TMEM240: variants seen among roughly 807,000 people sequenced by gnomAD.
TMEM240 encodes the protein transmembrane protein 240, also known as transmembrane protein C1orf70.
TMEM240 carries 3 observed loss-of-function variants against 19.5 expected under a neutral mutation model. The observed-to-expected ratio is 0.15, with a 90% confidence interval of 0.07 to 0.40. The LOEUF (loss-of-function observed/expected upper bound fraction) is 0.40, where lower values mean the gene tolerates loss of function less well. TMEM240 is among the 10% of genes least tolerant of loss of function. The pLI, the probability that TMEM240 is intolerant of heterozygous loss-of-function variation, is 1.00. For missense variants in TMEM240, 210 were observed against 253.5 expected (o/e 0.83, Z 1.17); for synonymous variants, 123 against 109.3 (o/e 1.13, Z -0.78).
At chr1:1,539,853 G>A (rs1032373741) in intron 1 of TMEM240, 63 bp from the exon 2 acceptor site, 1 of 1,435,394 alleles carries the variant, frequency 7.0e-7, no homozygotes, top group Non-Finnish European at 9.5e-7. Flanking sequence ...GCTGGGGGTG[G>A]GGAGCGCAGG....
In TMEM240 at chr1:1,536,174, C is replaced by T. The variant is rs1642217521; in HGVS notation, c.165-377G>A. Among the ~76,000 whole-genome samples the T allele has an allele frequency of 1.3e-5, 2 of 152,088 alleles. No individual in the cohort carries two copies. Among genetic ancestry groups the T allele is most frequent in the African/African-American group, 2.4e-5 (1 of 41,398 alleles). ...GGGCTCAGGACGGCGGTCCCCACGG[C>T]CAGGGTCACAGCTCACCCGCCCGCC... On this transcript the variant is annotated intron_variant, in intron 2 of 3. Transcript: ENST00000378733. This position sits in a 1 kb window ranked among gnomAD's most constrained non-coding sequence, Gnocchi z 5.4.
Position 1,535,922 on chromosome 1 carries a change from T to TG in TMEM240, c.165-126_165-125insC. 3.6e-6 allele frequency: 2 copies of TG among 552,596 alleles called. No individual in the cohort carries two copies. Among genetic ancestry groups the TG allele is most frequent in the African/African-American group, 1.9e-5 (1 of 52,462 alleles). 34.2% of individuals were successfully genotyped at this position (552,596 alleles called of 1,614,324 possible). The stretch of plus-strand genomic sequence containing the variant: ...GCCCTGGGGGTTCTCTGAAGCAGCC[T>TG]CTTGGGCGGGCGGGTCGGGAAGGGG... On this transcript the variant is annotated intron_variant, in intron 2 of 3. Coordinates refer to ENST00000378733, the MANE Select transcript of TMEM240 (RefSeq NM_001114748.2). This position sits in a 1 kb window ranked among gnomAD's most constrained non-coding sequence, Gnocchi z 8.2.
chr1:1,535,849 T>G lies in TMEM240; in HGVS notation c.165-52A>C. On this transcript the variant is annotated intron_variant, in intron 2 of 3. Transcript: ENST00000378733. The surrounding 1 kb of genome is among the most constrained non-coding windows in gnomAD (Gnocchi z 8.2). ...CTCTCCCGCCACCCCCGGCCTGGCC[T>G]TCCCCCGGGGCGCCTACCCCGTGGT... 5 of 1,491,862 alleles carry G rather than the reference T, an allele frequency of 3.4e-6. No homozygotes were observed. Among genetic ancestry groups the G allele is most frequent in the Non-Finnish European group, 4.5e-6 (5 of 1,099,296 alleles). The allele number at this position is 1,491,862 out of a possible 1,614,324, so 92.4% of individuals were successfully genotyped here.
In TMEM240 at chr1:1,540,368, G is replaced by C; in HGVS notation, c.-22C>G. 8.6e-7 allele frequency: 1 copy of C among 1,164,832 alleles called. No individual in the cohort carries two copies. The highest frequency in any genetic ancestry group is 4.1e-5 in the East Asian group (1 of 24,558). The allele number at this position is 1,164,832 out of a possible 1,614,324, so 72.2% of individuals were successfully genotyped here. On this transcript the variant is annotated 5_prime_UTR_variant, in exon 1 of 4. Transcript: ENST00000378733. ...ACATCGGGCGGGGCCGGGCCGGGCC[G>C]GAGCGCCGCCCCCCGGCCCCGGCGC...
At position 1,536,057 on chromosome 1, in the gene TMEM240, C is replaced by T. The variant is rs957949691; in HGVS notation, c.165-260G>A. ...CCGGGCAGACAGCGGGACCAGCTGC[C>T]GGCGAGGGTGTCGGCCCTCACTCAG... is the stretch of plus-strand genomic sequence containing the variant. On this transcript the variant is annotated intron_variant, in intron 2 of 3. Coordinates refer to ENST00000378733, the MANE Select transcript of TMEM240 (RefSeq NM_001114748.2). This position sits in a 1 kb window ranked among gnomAD's most constrained non-coding sequence, Gnocchi z 5.4. Among the ~76,000 whole-genome samples the T allele has an allele frequency of 5.3e-5, 8 of 152,194 alleles. No homozygotes were observed. In the East Asian group the frequency reaches 7.7e-4, roughly 15 times the overall value.
intron 2 of TMEM240, 45 bp downstream of exon 2, chr1:1,539,639 C>T: frequency 6.0e-6 from 9 of 1,511,410 alleles, no homozygotes; most frequent in Non-Finnish European, 8.1e-6. Flanking sequence ...CCCCGCCACA[C>T]ATGTGCGCTC....
At chr1:1,538,425 G>A (rs545051056) in intron 2 of TMEM240, among the ~76,000 whole-genome samples, 4 of 152,218 alleles carry the variant, frequency 2.6e-5, no homozygotes, top group African/African-American at 7.2e-5. Flanking sequence ...TGCCTGCCCC[G>A]CGGAGCCCTC....
intron 2 of TMEM240, among the ~76,000 whole-genome samples, chr1:1,537,586 G>T (rs759979452): frequency 1.3e-5 from 2 of 152,140 alleles, no homozygotes; most frequent in African/African-American, 4.8e-5. Flanking sequence ...AGTGAAAGCA[G>T]GAGATAGGCC....
chr1:1,539,676 G>A lies in TMEM240; in HGVS notation c.164+8C>T, dbSNP rs566463909. On this transcript the variant is annotated splice_region_variant and intron_variant, in intron 2 of 3. Coordinates refer to ENST00000378733, the MANE Select transcript of TMEM240 (RefSeq NM_001114748.2). ...CGCGTGTCGAGCCGGCGCCGGTTGT[G>A]GACTCACCGGCCACAGTTGCAGTGG... is the stretch of plus-strand genomic sequence containing the variant. The A allele has an allele frequency of 1.6e-5, 25 of 1,546,128 alleles. No individual in the cohort carries two copies. The East Asian group carries it at 4.4e-4, about 27-fold the overall frequency.
At position 1,540,587 on chromosome 1, in the gene TMEM240, C is replaced by T. The variant is rs544330157; in HGVS notation, c.-241G>A. On this transcript the variant is annotated 5_prime_UTR_variant, in exon 1 of 4. Transcript: ENST00000378733. ...GGCCCGCCGCGCTCCGCTCCGCCCT[C>T]GGGTCCTCCCTGCGATGCGCTCGGC... 6.8e-5 allele frequency: 11 copies of T among 161,948 alleles called. No homozygotes were observed. In the South Asian group the frequency reaches 2.2e-3, roughly 33 times the overall value. 10.0% of individuals were successfully genotyped at this position (161,948 alleles called of 1,614,324 possible).
At chr1:1,539,946 G>A (rs1315147737) in intron 1 of TMEM240, among the ~76,000 whole-genome samples, 156 bp from the exon 2 acceptor site, 4 of 125,872 alleles carry the variant, frequency 3.2e-5, no homozygotes, top group African/African-American at 1.2e-4. Context: ...GGAGCGCAGC[G>A]GGTATGGGGA....
intron 1 of TMEM240, 81 bp from the exon 2 acceptor site, chr1:1,539,871 CG>C: frequency 2.1e-6 from 1 of 477,746 alleles, no homozygotes; most frequent in Non-Finnish European, 3.2e-6. Context: ...AGGCCGGGGT[CG>C]GGGCAGCGCA....
Position 1,540,381 on chromosome 1 carries a change from C to T in TMEM240, c.-35G>A, listed in dbSNP as rs1044272744. On this transcript the variant is annotated 5_prime_UTR_variant, in exon 1 of 4. Transcript: ENST00000378733. ...CCGGGCCGGGCCGGAGCGCCGCCCC[C>T]CGGCCCCGGCGCCCCCCCGGCCCCG... 1 of 1,070,190 alleles carries T rather than the reference C, an allele frequency of 9.3e-7. No individual in the cohort carries two copies. The highest frequency in any genetic ancestry group is 1.7e-5 in the African/African-American group (1 of 58,868). The allele number at this position is 1,070,190 out of a possible 1,614,324, so 66.3% of individuals were successfully genotyped here.
At position 1,535,951 on chromosome 1, in the gene TMEM240, C is replaced by T. The variant is rs1454408064; in HGVS notation, c.165-154G>A. On this transcript the variant is annotated intron_variant, in intron 2 of 3. Transcript: ENST00000378733. This position sits in a 1 kb window ranked among gnomAD's most constrained non-coding sequence, Gnocchi z 8.2. ...GGGCGGGCGGGTCGGGAAGGGGGCA[C>T]CAGACTCAACGAGGCCCAGGTCACA... Among the ~76,000 whole-genome samples, 2 of 152,058 alleles carry T rather than the reference C, an allele frequency of 1.3e-5. No homozygotes were observed. The highest frequency in any genetic ancestry group is 3.9e-4 in the East Asian group (2 of 5,182).
rs1642210259 is a variant in TMEM240, at chr1:1,535,850, T to C, written c.165-53A>G. ...TCTCCCGCCACCCCCGGCCTGGCCT[T>C]CCCCCGGGGCGCCTACCCCGTGGTG... On this transcript the variant is annotated intron_variant, in intron 2 of 3. Transcript: ENST00000378733. This position sits in a 1 kb window ranked among gnomAD's most constrained non-coding sequence, Gnocchi z 8.2. 2 of 1,309,694 alleles carry C rather than the reference T, an allele frequency of 1.5e-6. No individual in the cohort carries two copies. The highest frequency in any genetic ancestry group is 2.0e-6 in the Non-Finnish European group (2 of 983,648). The allele number at this position is 1,309,694 out of a possible 1,614,324, so 81.1% of individuals were successfully genotyped here. A position where few individuals can be genotyped will look rare whatever the true frequency, so the allele number is the denominator to read the frequency against.
chr1:1,539,366 GC>G, intron 2 of TMEM240: 1 of 380,200 alleles, frequency 2.6e-6, no homozygotes, highest in Non-Finnish European at 4.9e-6. Context: ...TCCTGCCCCA[GC>G]CCTGATGAGG....
At chr1:1,537,286 C>T (rs1642236723) in intron 2 of TMEM240, among the ~76,000 whole-genome samples, 2 of 152,020 alleles carry the variant, frequency 1.3e-5, no homozygotes, top group Admixed American at 1.3e-4. Context: ...TGACCATGAC[C>T]GTGGCTGATT....
Position 1,540,348 on chromosome 1 carries a change from G to C in TMEM240, c.-2C>G, listed in dbSNP as rs759011408. ...CATGGTGTTCGCGCTCATGGACATC[G>C]GGCGGGGCCGGGCCGGGCCGGAGCG... On this transcript the variant is annotated 5_prime_UTR_variant, in exon 1 of 4. Transcript: ENST00000378733. 10 of 1,223,108 alleles carry C rather than the reference G, an allele frequency of 8.2e-6. No individual in the cohort carries two copies. The South Asian group carries it at 1.7e-4, about 21-fold the overall frequency. The allele number at this position is 1,223,108 out of a possible 1,614,324, so 75.8% of individuals were successfully genotyped here.
chr1:1,535,213 A>T lies in TMEM240; in HGVS notation c.*146T>A. 1 of 788,608 alleles carries T rather than the reference A, an allele frequency of 1.3e-6. No homozygotes were observed. Among genetic ancestry groups the T allele is most frequent in the Non-Finnish European group, 1.9e-6 (1 of 538,244 alleles). 48.9% of individuals were successfully genotyped at this position (788,608 alleles called of 1,614,324 possible). ...ATAAAAAGAAGAGACAGCACCTTCC[A>T]CTGGACTCTCCCGGCCGGCCACAGC... On this transcript the variant is annotated 3_prime_UTR_variant, in exon 4 of 4. Coordinates refer to ENST00000378733, the MANE Select transcript of TMEM240 (RefSeq NM_001114748.2). This position sits in a 1 kb window ranked among gnomAD's most constrained non-coding sequence, Gnocchi z 8.2.
Sources: gnomAD v4.1 joint callset for allele counts (sites outside exome capture counted in the v4.1 genomes callset) on GRCh38, gnomAD v4.1.1 for gene constraint, Gnocchi (gnomAD v3.1) non-coding constraint, MANE v1.5 for transcripts, NCBI Gene and HGNC (gene_info 2026-07-23, HGNC 2026-07-21) for gene names.